Variants in DENND4C observed in about 807,000 individuals in gnomAD.
DENND4C encodes DENN domain containing 4C, also known as DENN domain-containing protein 4C.
DENND4C carries 108 observed loss-of-function variants against 203.0 expected under a neutral mutation model. That is an observed-to-expected ratio of 0.53 (90% confidence interval 0.46 to 0.62). The LOEUF is 0.62. Ranked by LOEUF, DENND4C falls within the 20% of genes least tolerant of loss-of-function variation. The pLI is 0.00. For synonymous variants in DENND4C, 871 were observed against 792.4 expected (o/e 1.10, Z -1.67); for missense variants, 2,481 against 2,301.2 (o/e 1.08, Z -1.60).
chr9:19,243,500 C>T (rs532916021), intron 1 of DENND4C, among the ~76,000 whole-genome samples: 1 of 152,280 alleles, frequency 6.6e-6, no homozygotes, highest in East Asian at 1.9e-4. Context: ...ACGCTGTACC[C>T]GTTAAGCAGT....
At chr9:19,260,147 T>G (rs1177166762) in intron 1 of DENND4C, among the ~76,000 whole-genome samples, 6 of 152,204 alleles carry the variant, frequency 3.9e-5, no homozygotes, top group African/African-American at 1.4e-4. Flanking sequence ...CTTTTGGACC[T>G]AAGCCATTTT....
Position 19,326,124 on chromosome 9 carries a change from G to T in DENND4C, c.2050G>T (p.Glu684Ter). The T allele has an allele frequency of 1.2e-6, 2 of 1,613,482 alleles. No homozygotes were observed. The highest frequency in any genetic ancestry group is 2.2e-5 in the South Asian group (2 of 90,932). Residue 684 changes from glutamate to a stop codon, truncating the protein, a stop_gained, in exon 15 of 33, where the codon GAG becomes TAG. Coordinates refer to ENST00000434457, the MANE Select transcript of DENND4C (RefSeq NM_001330640.2). LOFTEE classifies it high-confidence loss of function. ...LIELDDSQKSEHTVFIMPPEP... is the reference protein window; with the variant it reads ...LIELDDSQKS ...AGAACTAGATGATTCACAGAAAAGT[G>T]AGCATACTGTATTTATAATGCCGCC...
chr9:19,336,623 C>T, intron 19 of DENND4C, 63 bp from the exon 20 acceptor site: 1 of 1,488,790 alleles, frequency 6.7e-7, no homozygotes, highest in Non-Finnish European at 9.0e-7. Context: ...GTGGGTCAAT[C>T]ATGTTTAGTT....
intron 15 of DENND4C, among the ~76,000 whole-genome samples, chr9:19,326,740 A>G (rs942424161): frequency 6.6e-6 from 1 of 152,072 alleles, no homozygotes; most frequent in South Asian, 2.1e-4. Flanking sequence ...AATTGTAGGT[A>G]TGTATGTATC....
chr9:19,269,537 ACT>A (rs1476639644), intron 1 of DENND4C, among the ~76,000 whole-genome samples: 1 of 151,864 alleles, frequency 6.6e-6, no homozygotes, highest in Admixed American at 6.6e-5. Flanking sequence ...CTGTTGAAAG[ACT>A]CTGATTCATT....
intron 9 of DENND4C, among the ~76,000 whole-genome samples, chr9:19,303,343 T>C (rs1247328210): frequency 6.6e-6 from 1 of 152,188 alleles, no homozygotes; most frequent in Non-Finnish European, 1.5e-5. Context: ...TGTTTGCAAA[T>C]GGTGGCCGAA....
chr9:19,296,275 G>C (rs771876601), intron 6 of DENND4C, 29 bp downstream of exon 6: 3 of 1,426,584 alleles, frequency 2.1e-6, no homozygotes. Context: ...AAGATGGCTG[G>C]TGGAAAACTG....
chr9:19,325,845 G>A lies in DENND4C; in HGVS notation c.1954-94G>A. On this transcript the variant is annotated intron_variant, in intron 13 of 32. Transcript: ENST00000434457. ...TTTTGTATCAGCTGGTACTGAAAAG[G>A]GGTAGTTTTTTTCTAAATCAGAATG... 4 of 1,166,944 alleles carry A rather than the reference G, an allele frequency of 3.4e-6. No homozygotes were observed. The South Asian group carries it at 5.4e-5, about 16-fold the overall frequency. The allele number at this position is 1,166,944 out of a possible 1,614,324, so 72.3% of individuals were successfully genotyped here. A position where few individuals can be genotyped will look rare whatever the true frequency, so the allele number is the denominator to read the frequency against.
chr9:19,243,558 TTCTC>T (rs1824321551), intron 1 of DENND4C, among the ~76,000 whole-genome samples: 1 of 152,172 alleles, frequency 6.6e-6, no homozygotes, highest in Non-Finnish European at 1.5e-5. Flanking sequence ...GTAATCTGTT[TTCTC>T]TCTCTGTGGA....
In DENND4C at chr9:19,358,044, G is replaced by T. The variant is rs370968840; in HGVS notation, c.5044G>T (p.Val1682Leu). 3 of 1,613,872 alleles carry T rather than the reference G, an allele frequency of 1.9e-6. No homozygotes were observed. Among genetic ancestry groups the T allele is most frequent in the South Asian group, 2.2e-5 (2 of 91,058 alleles). ...GCCTAATAGTTTATCAAAGCGAAAT[G>T]TGTCTTTGACTCGAAGTCACAGTGT... ...SVPNSLSKRN[V>L]SLTRSHSVGG... The change falls in exon 28 of 33, where the codon GTG becomes TTG. Residue 1682 changes from valine (V) to leucine (L), a missense_variant. Physicochemically the swap from Val to Leu is conservative, Grantham distance 32. Coordinates refer to ENST00000434457, the MANE Select transcript of DENND4C (RefSeq NM_001330640.2). The surrounding 1 kb of genome is among the most constrained non-coding windows in gnomAD (Gnocchi z 4.8).
chr9:19,254,768 T>TAC (rs1343627831), intron 1 of DENND4C, among the ~76,000 whole-genome samples: 2 of 152,206 alleles, frequency 1.3e-5, no homozygotes, highest in Non-Finnish European at 2.9e-5. Flanking sequence ...TGTATATATA[T>TAC]ACCAAATCAT....
At chr9:19,234,552 T>TA (rs1821416617) in intron 1 of DENND4C, among the ~76,000 whole-genome samples, 2 of 146,294 alleles carry the variant, frequency 1.4e-5, no homozygotes, top group South Asian at 2.2e-4. Flanking sequence ...TTTTTTTTTT[T>TA]AACACGGTCT....
In DENND4C at chr9:19,346,330, C is replaced by A; in HGVS notation, c.3561C>A (p.Leu1187=). ...VPEMLEESQE[L]LEPVVDDVPK... ...AGATGCTTGAGGAAAGCCAAGAACT[C>A]CTTGAGCCTGTGGTTGATGACGTAC... is the stretch of plus-strand genomic sequence containing the variant. Residue 1187 remains leucine, a synonymous_variant, in exon 23 of 33, where the codon CTC becomes CTA. Coordinates refer to ENST00000434457, the MANE Select transcript of DENND4C (RefSeq NM_001330640.2). The A allele has an allele frequency of 6.2e-7, 1 of 1,614,120 alleles. No individual in the cohort carries two copies. Among genetic ancestry groups the A allele is most frequent in the Non-Finnish European group, 8.5e-7 (1 of 1,180,036 alleles).
chr9:19,289,828 C>CAAAA lies in DENND4C; in HGVS notation c.629-862_629-859dup, dbSNP rs377068068. Among the ~76,000 whole-genome samples, 93 of 126,690 alleles carry CAAAA rather than the reference C, an allele frequency of 7.3e-4. 1 individual carries two copies. The highest frequency in any genetic ancestry group is 4.7e-3 in the South Asian group (18 of 3,858). 83.1% of individuals were successfully genotyped at this position (126,690 alleles called of 152,430 possible). On this transcript the variant is annotated intron_variant, in intron 4 of 32. Coordinates refer to ENST00000434457, the MANE Select transcript of DENND4C (RefSeq NM_001330640.2). ...TGGGTGACAAAGCAAGATCCTGTCT[C>CAAAA]AAAAAAAAAAAAAAAAAGTGATACT...
At chr9:19,366,912 T>G (rs1176523367) in intron 30 of DENND4C, among the ~76,000 whole-genome samples, 3 of 152,140 alleles carry the variant, frequency 2.0e-5, no homozygotes, top group Non-Finnish European at 4.4e-5. Flanking sequence ...AAGTGAAAGG[T>G]CAATCGACAG....
intron 1 of DENND4C, among the ~76,000 whole-genome samples, chr9:19,258,638 A>G (rs1054137321): frequency 2.0e-5 from 3 of 150,996 alleles, no homozygotes; most frequent in African/African-American, 4.9e-5. Context: ...TCTAATATCC[A>G]TTCTATTTTC....
At chr9:19,277,569 A>AT (rs1268298052) in intron 2 of DENND4C, among the ~76,000 whole-genome samples, 2 of 151,842 alleles carry the variant, frequency 1.3e-5, no homozygotes, top group African/African-American at 2.4e-5. Context: ...GTTCTTCGGG[A>AT]TTTTTTTAAA....
chr9:19,257,127 G>A (rs1482859519), intron 1 of DENND4C, among the ~76,000 whole-genome samples: 1 of 150,086 alleles, frequency 6.7e-6, no homozygotes, highest in Non-Finnish European at 1.5e-5. Context: ...ACAGAGTGAA[G>A]AAAAGGAAAA....
chr9:19,351,088 G>A (rs1824013619), intron 24 of DENND4C, among the ~76,000 whole-genome samples: 1 of 151,912 alleles, frequency 6.6e-6, no homozygotes, highest in Admixed American at 6.6e-5. Context: ...TAATTTAGAT[G>A]CCTGTAACTC....
Sources: gnomAD v4.1 joint callset for allele counts (sites outside exome capture counted in the v4.1 genomes callset) on GRCh38, gnomAD v4.1.1 for gene constraint, Gnocchi (gnomAD v3.1) non-coding constraint, MANE v1.5 for transcripts, NCBI Gene and HGNC (gene_info 2026-07-23, HGNC 2026-07-21) for gene names.